Variants in ZFPM2 observed in about 807,000 individuals in gnomAD.
ZFPM2 encodes the protein zinc finger protein, FOG family member 2, also known as zinc finger protein ZFPM2.
ZFPM2 carries 20 observed loss-of-function variants against 98.6 expected under a neutral mutation model. The ratio of observed to expected loss-of-function variants is 0.20; its 90% CI spans 0.14 to 0.29. The LOEUF (loss-of-function observed/expected upper bound fraction) is 0.29, where lower values mean the gene tolerates loss of function less well. ZFPM2 is among the 10% of genes least tolerant of loss of function. ZFPM2 has a pLI of 1.00. For missense variants in ZFPM2, 1,310 were observed against 1,388.6 expected (o/e 0.94, Z 0.90); for synonymous variants, 518 against 502.7 (o/e 1.03, Z -0.41).
intron 5 of ZFPM2, among the ~76,000 whole-genome samples, chr8:105,775,128 G>A (rs1454509805): frequency 2.0e-5 from 3 of 150,112 alleles, no homozygotes; most frequent in African/African-American, 7.4e-5. Flanking sequence ...TGGACAAGCT[G>A]ACAAAGGAAT....
chr8:105,590,827 A>T (rs972263095), intron 4 of ZFPM2, among the ~76,000 whole-genome samples: 1 of 152,356 alleles, frequency 6.6e-6, no homozygotes, highest in East Asian at 1.9e-4. Flanking sequence ...GCACCCACTC[A>T]ATCACTTTAC....
At chr8:105,510,954 A>T (rs1813806245) in intron 3 of ZFPM2, among the ~76,000 whole-genome samples, 1 of 152,334 alleles carries the variant, frequency 6.6e-6, no homozygotes, top group Admixed American at 6.5e-5. Flanking sequence ...TATTCACTTC[A>T]GAGTGCTTGG....
intron 5 of ZFPM2, among the ~76,000 whole-genome samples, chr8:105,701,817 T>G (rs2130958256): frequency 6.6e-6 from 1 of 152,326 alleles, no homozygotes; most frequent in South Asian, 2.1e-4. Context: ...AGTATATATA[T>G]TTTTTAAGCC....
intron 5 of ZFPM2, among the ~76,000 whole-genome samples, chr8:105,714,882 G>T (rs1694824473): frequency 6.6e-6 from 1 of 152,078 alleles, no homozygotes; most frequent in Non-Finnish European, 1.5e-5. Context: ...CCAGTACACT[G>T]TGACTAGCAC....
intron 1 of ZFPM2, among the ~76,000 whole-genome samples, chr8:105,401,786 A>G (rs1335285381): frequency 1.3e-5 from 2 of 152,106 alleles, no homozygotes; most frequent in African/African-American, 2.4e-5. Flanking sequence ...GAAAAATTTG[A>G]TTTTAAAATT....
intron 3 of ZFPM2, chr8:105,451,699 G>A (rs1020847161): frequency 1.3e-5 from 2 of 152,122 alleles, no homozygotes; most frequent in African/African-American, 4.8e-5. Context: ...ATGGCCCTCG[G>A]AGGGAACCAT....
chr8:105,430,532 G>A (rs1363903858), intron 2 of ZFPM2, among the ~76,000 whole-genome samples: 2 of 152,128 alleles, frequency 1.3e-5, no homozygotes, highest in African/African-American at 4.8e-5. Context: ...AAAGTGCTAT[G>A]CTAAAAAATG....
chr8:105,527,483 A>C (rs1039583421), intron 3 of ZFPM2, among the ~76,000 whole-genome samples: 1 of 152,246 alleles, frequency 6.6e-6, no homozygotes, highest in African/African-American at 2.4e-5. Flanking sequence ...AGATTTGAAA[A>C]GGGCAGAGTT....
chr8:105,338,914 G>T lies in ZFPM2; in HGVS notation c.40+19933G>T, dbSNP rs1184550354. Among the ~76,000 whole-genome samples, 8 of 151,876 alleles carry T rather than the reference G, an allele frequency of 5.3e-5. No individual in the cohort carries two copies. In the South Asian group the frequency reaches 1.7e-3, roughly 31 times the overall value. The stretch of plus-strand genomic sequence containing the variant: ...TTAAAGAAACAAATTGTTCCCCTGG[G>T]TGCTTCCTTAATTGATGAAGAGTAA... On this transcript the variant is annotated intron_variant, in intron 1 of 7. Transcript: ENST00000407775.
chr8:105,410,230 C>T (rs1245226864), intron 1 of ZFPM2, among the ~76,000 whole-genome samples: 1 of 151,812 alleles, frequency 6.6e-6, no homozygotes, highest in Admixed American at 6.6e-5. Context: ...GTTTCCCCCT[C>T]ACATCTTTGT....
At chr8:105,578,363 T>A (rs73307944) in intron 4 of ZFPM2, among the ~76,000 whole-genome samples, 256 of 152,084 alleles carry the variant, frequency 1.7e-3, no homozygotes, top group African/African-American at 5.7e-3. Flanking sequence ...TTTTAGCTAA[T>A]CAGTTACTAC....
intron 3 of ZFPM2, among the ~76,000 whole-genome samples, chr8:105,537,673 C>A (rs1011434365): frequency 5.9e-5 from 9 of 151,966 alleles, no homozygotes; most frequent in African/African-American, 1.9e-4. Flanking sequence ...CAGTGTGAGA[C>A]CCTGACTCTA....
intron 1 of ZFPM2, among the ~76,000 whole-genome samples, chr8:105,404,804 A>G (rs1162158392): frequency 1.3e-5 from 2 of 152,082 alleles, no homozygotes; most frequent in African/African-American, 4.8e-5. Flanking sequence ...AACAGCTCAT[A>G]AAAACATCAG....
chr8:105,387,657 C>G (rs921351658), intron 1 of ZFPM2: 1 of 154,820 alleles, frequency 6.5e-6, no homozygotes, highest in Non-Finnish European at 1.4e-5. Context: ...GCCGCGGTTC[C>G]TGCCCGCGCC....
chr8:105,357,075 TG>T (rs1812762054), intron 1 of ZFPM2, among the ~76,000 whole-genome samples: 2 of 146,384 alleles, frequency 1.4e-5, no homozygotes, highest in Non-Finnish European at 3.0e-5. Flanking sequence ...GTCAAGCCCC[TG>T]GCTTCTGTTC....
At chr8:105,690,758 C>G (rs1476650617) in intron 5 of ZFPM2, 5 of 152,040 alleles carry the variant, frequency 3.3e-5, no homozygotes, top group Admixed American at 2.0e-4. Context: ...GTATGGCCTC[C>G]TCATCACATA....
chr8:105,489,466 A>ATATATATATATATATATATATT (rs1554610604), intron 3 of ZFPM2, among the ~76,000 whole-genome samples: 1 of 119,808 alleles, frequency 8.3e-6, no homozygotes, highest in African/African-American at 3.6e-5. Context: ...ATATATATAT[A>ATATATATATATATATATATATT]TTTTTTTTTT....
At chr8:105,594,642 C>CA (rs1200800968) in intron 4 of ZFPM2, among the ~76,000 whole-genome samples, 5 of 152,080 alleles carry the variant, frequency 3.3e-5, no homozygotes, top group Non-Finnish European at 7.4e-5. Flanking sequence ...AGACACTCCT[C>CA]AAAAAGCGCA....
chr8:105,386,635 T>C (rs968775417), intron 1 of ZFPM2, among the ~76,000 whole-genome samples: 7 of 152,130 alleles, frequency 4.6e-5, no homozygotes, highest in Non-Finnish European at 1.0e-4. Context: ...GCAAGATTTA[T>C]TGCACAGAGC....
Sources: allele counts gnomAD v4.1 joint callset (sites outside exome capture counted in the v4.1 genomes callset), GRCh38; gene constraint gnomAD v4.1.1; transcripts MANE v1.5; gene names NCBI Gene and HGNC (gene_info 2026-07-23, HGNC 2026-07-21).